RNF111: variants seen among roughly 807,000 people sequenced by gnomAD.
The protein encoded by RNF111 is ring finger protein 111, also known as E3 ubiquitin-protein ligase Arkadia.
RNF111 carries 17 observed loss-of-function variants against 95.1 expected under a neutral mutation model. The ratio of observed to expected loss-of-function variants is 0.18; its 90% confidence interval spans 0.12 to 0.27. The LOEUF is 0.27. Ranked by LOEUF, RNF111 falls within the 10% of genes least tolerant of loss-of-function variation. The pLI is 1.00. For missense variants in RNF111, 1,189 were observed against 1,210.4 expected, an observed-to-expected ratio of 0.98 and a Z score of 0.26; for synonymous variants, 440 against 414.8, an observed-to-expected ratio of 1.06 and a Z score of -0.74.
At chr15:59,057,405 T>C (rs1039130306) in intron 4 of RNF111, among the ~76,000 whole-genome samples, 3 of 152,330 alleles carry the variant, frequency 2.0e-5, no homozygotes, top group Middle Eastern at 3.4e-3. Flanking sequence ...ACAGGTACTA[T>C]TTGTGCCTAA....
intron 1 of RNF111, among the ~76,000 whole-genome samples, chr15:59,013,126 A>T (rs763719991): frequency 1.3e-5 from 2 of 152,114 alleles, no homozygotes; most frequent in Non-Finnish European, 2.9e-5. Flanking sequence ...ATAGTCACTC[A>T]TTTCTCTCCT....
intron 1 of RNF111, among the ~76,000 whole-genome samples, chr15:58,992,557 C>T (rs572724856): frequency 6.6e-6 from 1 of 152,190 alleles, no homozygotes; most frequent in African/African-American, 2.4e-5. Flanking sequence ...GTGGCTCATG[C>T]CTGTAATCAT....
chr15:59,047,866 T>C lies in RNF111; in HGVS notation c.881-4439T>C, dbSNP rs576908392. On this transcript the variant is annotated intron_variant, in intron 2 of 13. Transcript: ENST00000348370. ...CTGGGATTATAGGCGTGAGCCACTG[T>C]ATCCAGCCTACTTATTTTAGAAATG... 2.0e-5 allele frequency among the ~76,000 whole-genome samples: 3 copies of C among 152,360 alleles called. No individual in the cohort carries two copies. In the East Asian group the frequency reaches 5.8e-4, roughly 29 times the overall value.
At chr15:59,028,753 G>A (rs2040750103) in intron 1 of RNF111, among the ~76,000 whole-genome samples, 1 of 150,118 alleles carries the variant, frequency 6.7e-6, no homozygotes, top group African/African-American at 2.5e-5. Context: ...GAGTGGAAAT[G>A]CTAGGTCACA....
chr15:59,065,480 A>C (rs1189240966), intron 5 of RNF111, among the ~76,000 whole-genome samples: 2 of 152,188 alleles, frequency 1.3e-5, no homozygotes, highest in Non-Finnish European at 2.9e-5. Context: ...ATGCAAGGCA[A>C]TTTTATTACC....
rs1006354331 is a variant in RNF111 at position 59,095,490 on chromosome 15, G to C, written c.*590G>C. 1.3e-5 allele frequency: 2 copies of C among 153,104 alleles called. No individual in the cohort carries two copies. The highest frequency in any genetic ancestry group is 4.8e-5 in the African/African-American group (2 of 41,420). 9.5% of individuals were successfully genotyped at this position (153,104 alleles called of 1,614,324 possible). On this transcript the variant is annotated 3_prime_UTR_variant, in exon 14 of 14. Coordinates refer to ENST00000348370, the MANE Select transcript of RNF111 (RefSeq NM_017610.8). ...CAACCCATATAAATCAGATGCAGGTGGTAGTCACATCACCAGAGTGATCAG... is the reference window on the plus strand; with the variant it reads ...CAACCCATATAAATCAGATGCAGGTCGTAGTCACATCACCAGAGTGATCAG...
intron 3 of RNF111, among the ~76,000 whole-genome samples, chr15:59,053,229 A>G (rs2042065562): frequency 2.0e-5 from 3 of 152,196 alleles, no homozygotes; most frequent in Non-Finnish European, 1.5e-5. Context: ...AAATAACTGG[A>G]AAAGACATTG....
chr15:59,092,652 T>C lies in RNF111; in HGVS notation c.2843+12T>C, dbSNP rs1165539489. The C allele has an allele frequency of 3.8e-6, 6 of 1,597,202 alleles. No homozygotes were observed. Among genetic ancestry groups the C allele is most frequent in the Non-Finnish European group, 5.1e-6 (6 of 1,169,846 alleles). Reference sequence around the variant, plus strand: ...GGTGAAGATGTGAGGTAACTAGATATTAATTATCTAAAATCCATTGTCAAA... The same window carrying C: ...GGTGAAGATGTGAGGTAACTAGATACTAATTATCTAAAATCCATTGTCAAA... On this transcript the variant is annotated intron_variant, in intron 13 of 13. Coordinates refer to ENST00000348370, the MANE Select transcript of RNF111 (RefSeq NM_017610.8).
chr15:59,081,907 C>T (rs1173454703), intron 8 of RNF111, among the ~76,000 whole-genome samples: 3 of 152,096 alleles, frequency 2.0e-5, no homozygotes, highest in Admixed American at 6.6e-5. Context: ...CTCCTGTGGT[C>T]CCAGCTACTG....
At chr15:59,007,277 T>C (rs1596058632) in intron 1 of RNF111, among the ~76,000 whole-genome samples, 1 of 152,122 alleles carries the variant, frequency 6.6e-6, no homozygotes, top group African/African-American at 2.4e-5. Context: ...ATTTTTTTTT[T>C]TTTTTTACTT....
At chr15:59,074,224 G>T (rs1233367782) in intron 6 of RNF111, among the ~76,000 whole-genome samples, 1 of 152,166 alleles carries the variant, frequency 6.6e-6, no homozygotes, top group African/African-American at 2.4e-5. Context: ...TTGCAAATGA[G>T]CATTGGATTT....
chr15:59,059,547 T>A (rs2042345960), intron 5 of RNF111, among the ~76,000 whole-genome samples: 2 of 152,250 alleles, frequency 1.3e-5, no homozygotes, highest in Non-Finnish European at 2.9e-5. Flanking sequence ...TGGGAGTTTT[T>A]AAAATTTTGG....
chr15:59,081,325 T>C (rs370775869), intron 8 of RNF111, 41 bp downstream of exon 8: 139 of 1,524,590 alleles, frequency 9.1e-5, no homozygotes, highest in Non-Finnish European at 3.0e-5. Flanking sequence ...AGTTTGCTTT[T>C]TCTTCTACTT....
chr15:58,991,935 C>T (rs1329838016), intron 1 of RNF111, among the ~76,000 whole-genome samples: 1 of 152,186 alleles, frequency 6.6e-6, no homozygotes, highest in South Asian at 2.1e-4. Flanking sequence ...GTTATTGTAA[C>T]TTTGTTAGGG....
chr15:58,989,138 T>C (rs187458896), intron 1 of RNF111, among the ~76,000 whole-genome samples: 1 of 152,228 alleles, frequency 6.6e-6, no homozygotes, highest in Non-Finnish European at 1.5e-5. Context: ...GACTTAGCTT[T>C]ATTACAGTAA....
At chr15:59,083,672 T>G (rs1424055969) in intron 8 of RNF111, among the ~76,000 whole-genome samples, 1 of 152,126 alleles carries the variant, frequency 6.6e-6, no homozygotes, top group Non-Finnish European at 1.5e-5. Flanking sequence ...AATGGTTGAA[T>G]GTCTTTACAG....
At chr15:59,076,562 A>G (rs1409681325) in intron 7 of RNF111, among the ~76,000 whole-genome samples, 4 of 152,212 alleles carry the variant, frequency 2.6e-5, no homozygotes, top group Non-Finnish European at 5.9e-5. Flanking sequence ...GATGCAGGCA[A>G]TTAAAATATA....
chr15:59,041,819 G>A lies in RNF111; in HGVS notation c.880+10117G>A, dbSNP rs138488340. On this transcript the variant is annotated intron_variant, in intron 2 of 13. Transcript: ENST00000348370. ...TCAGATTTTAGGGGGTTTTTGGTCCGTCTGATAGCTGAGAAATAGTATGTC... is the reference window on the plus strand; with the variant it reads ...TCAGATTTTAGGGGGTTTTTGGTCCATCTGATAGCTGAGAAATAGTATGTC... Among the ~76,000 whole-genome samples, 124 of 152,048 alleles carry A rather than the reference G, an allele frequency of 8.2e-4. 1 individual carries two copies. The highest frequency in any genetic ancestry group is 2.7e-3 in the African/African-American group (110 of 41,478).
At chr15:59,082,680 G>A (rs1414552300) in intron 8 of RNF111, among the ~76,000 whole-genome samples, 2 of 152,270 alleles carry the variant, frequency 1.3e-5, no homozygotes, top group East Asian at 3.9e-4. Context: ...AAGCTGAGTA[G>A]TTACAACAGA....
Sources: allele counts gnomAD v4.1 joint callset (sites outside exome capture counted in the v4.1 genomes callset), GRCh38; gene constraint gnomAD v4.1.1; transcripts MANE v1.5; gene names NCBI Gene and HGNC (gene_info 2026-07-23, HGNC 2026-07-21).